Variants in POLQ observed in about 807,000 individuals in gnomAD.
POLQ encodes the protein DNA polymerase theta, also known as epididymis secretory sperm binding protein.
In POLQ, 233 loss-of-function variants were observed where a neutral mutation model predicts 259.2. The observed-to-expected ratio is 0.90, with a 90% CI of 0.81 to 1.00. The LOEUF is 1.00. Ranked by LOEUF, POLQ falls within the 50% of genes least tolerant of loss-of-function variation. The pLI, the probability that POLQ is intolerant of heterozygous loss-of-function variation, is 0.00. For missense variants in POLQ, 2,871 were observed against 3,051.6 expected, an observed-to-expected ratio of 0.94 and a Z score of 1.39; for synonymous variants, 1,025 against 1,048.8, an observed-to-expected ratio of 0.98 and a Z score of 0.44.
chr3:121,471,609 G>A (rs2047884089), intron 22 of POLQ, among the ~76,000 whole-genome samples: 1 of 152,080 alleles, frequency 6.6e-6, no homozygotes, highest in Admixed American at 6.5e-5. Flanking sequence ...AGATGTGGTG[G>A]TATGCGCCTG....
At chr3:121,469,931 G>A (rs1177941828) in intron 22 of POLQ, among the ~76,000 whole-genome samples, 4 of 151,966 alleles carry the variant, frequency 2.6e-5, no homozygotes, top group Admixed American at 2.0e-4. Flanking sequence ...TGTTCTTTAC[G>A]AACAAATAAC....
chr3:121,445,274 A>G (rs1365490911), intron 26 of POLQ, among the ~76,000 whole-genome samples: 1 of 152,080 alleles, frequency 6.6e-6, no homozygotes, highest in African/African-American at 2.4e-5. Flanking sequence ...TATGGCTTCG[A>G]TCTCATTATT....
Position 121,488,112 on chromosome 3 carries a change from C to T in POLQ, c.4819G>A (p.Asp1607Asn). The T allele has an allele frequency of 6.2e-7, 1 of 1,613,698 alleles. No individual in the cohort carries two copies. Among genetic ancestry groups the T allele is most frequent in the South Asian group, 1.1e-5 (1 of 90,980 alleles). The stretch of plus-strand genomic sequence containing the variant: ...GCCCTTTCATCTTGATCTCCTCCAT[C>T]TTGATCACCTTGGTGGTGCTCATCA... ...VLDEHHQGDQ[D>N]GGDQDERAEK... The change falls in exon 16 of 30, where the codon GAT becomes AAT. Residue 1607 changes from aspartate (D) to asparagine (N), a missense_variant. Physicochemically the swap from Asp to Asn is conservative, Grantham distance 23. Transcript: ENST00000264233.
intron 12 of POLQ, among the ~76,000 whole-genome samples, chr3:121,501,544 A>G (rs1302091374): frequency 6.7e-6 from 1 of 148,846 alleles, no homozygotes; most frequent in African/African-American, 2.5e-5. Flanking sequence ...CTGTAGTCCC[A>G]GCTACTTGGG....
chr3:121,450,715 C>G (rs768533581), intron 25 of POLQ, among the ~76,000 whole-genome samples: 124 of 152,210 alleles, frequency 8.1e-4, no homozygotes, highest in Non-Finnish European at 9.1e-4. Flanking sequence ...TCTGGCTGCC[C>G]TTAACATTTT....
chr3:121,451,824 G>A (rs1166246285), intron 25 of POLQ, among the ~76,000 whole-genome samples: 1 of 152,190 alleles, frequency 6.6e-6, no homozygotes, highest in African/African-American at 2.4e-5. Context: ...CTGTCCGATG[G>A]GACATTTAAG....
chr3:121,479,349 CAAA>C (rs969052572), intron 19 of POLQ, among the ~76,000 whole-genome samples: 2 of 88,908 alleles, frequency 2.2e-5, no homozygotes, highest in African/African-American at 7.9e-5. Flanking sequence ...CTCATCTCTA[CAAA>C]AAAAAAAAAA....
At chr3:121,439,814 C>G (rs886281096) in intron 27 of POLQ, among the ~76,000 whole-genome samples, 178 bp downstream of exon 27, 3 of 152,226 alleles carry the variant, frequency 2.0e-5, no homozygotes, top group Non-Finnish European at 4.4e-5. Context: ...TCAGCAAATA[C>G]TGGCATGTGC....
intron 5 of POLQ, among the ~76,000 whole-genome samples, chr3:121,535,091 T>A (rs2108819267): frequency 6.6e-6 from 1 of 152,316 alleles, no homozygotes; most frequent in African/African-American, 2.4e-5. Context: ...ATTTTCTATA[T>A]CCCTAGTGAT....
At chr3:121,545,170 G>C (rs1006388048) in intron 1 of POLQ, among the ~76,000 whole-genome samples, 1 of 152,136 alleles carries the variant, frequency 6.6e-6, no homozygotes, top group Non-Finnish European at 1.5e-5. Context: ...TTGGAATTAC[G>C]GGTGTAGTTG....
chr3:121,463,238 T>G (rs761915039), intron 24 of POLQ, among the ~76,000 whole-genome samples: 10 of 152,136 alleles, frequency 6.6e-5, no homozygotes, highest in Non-Finnish European at 1.3e-4. Context: ...TCTCACGAGA[T>G]CTGATGGTTT....
In POLQ at chr3:121,512,063, A is replaced by T. The variant is rs370616629; in HGVS notation, c.1469-34T>A. ...AAAAGATACACATTTGCAAAATCCC[A>T]ATATAGTTCCATAAGATATCTGCTA... is the stretch of plus-strand genomic sequence containing the variant. On this transcript the variant is annotated intron_variant, in intron 9 of 29. Coordinates refer to ENST00000264233, the MANE Select transcript of POLQ (RefSeq NM_199420.4). 5.3e-5 allele frequency: 84 copies of T among 1,580,448 alleles called. No homozygotes were observed. In the African/African-American group the frequency reaches 1.0e-3, roughly 19 times the overall value.
rs916587927 is a variant in POLQ, at chr3:121,493,638, C to T, written c.2362G>A (p.Gly788Ser). 7 of 1,613,950 alleles carry T rather than the reference C, an allele frequency of 4.3e-6. No individual in the cohort carries two copies. Among genetic ancestry groups the T allele is most frequent in the Non-Finnish European group, 5.1e-6 (6 of 1,180,000 alleles). The change falls in exon 15 of 30, where the codon GGC (glycine) becomes AGC (serine). Residue 788 changes from glycine (G) to serine (S), a missense_variant. By Grantham distance (56) the Gly-to-Ser change is moderately conservative. Transcript: ENST00000264233. Reference protein sequence around the residue: ...LSQFQKRLTFGIQRELCDLVR... With the variant: ...LSQFQKRLTFSIQRELCDLVR... ...AGGTCACACAGCTCCCTCTGGATGC[C>T]AAACGTAAGACGCTTCTGAAATTGG... is the stretch of plus-strand genomic sequence containing the variant.
At chr3:121,432,478 C>T in intron 29 of POLQ, 61 bp from the exon 30 acceptor site, 1 of 1,557,358 alleles carries the variant, frequency 6.4e-7, no homozygotes. Flanking sequence ...CCCAAACCAT[C>T]CCCTGAGAAA....
chr3:121,496,947 TC>T lies in POLQ; in HGVS notation c.2154-16del. 6.2e-7 allele frequency: 1 copy of T among 1,611,126 alleles called. No individual in the cohort carries two copies. ...TGGTGAAAAACCTGGGAATAAATCA[TC>T]AAAAGCGTGGTAAGAGATCCTTCAC... On this transcript the variant is annotated splice_polypyrimidine_tract_variant and intron_variant, in intron 13 of 29. Coordinates refer to ENST00000264233, the MANE Select transcript of POLQ (RefSeq NM_199420.4).
At chr3:121,480,703 TCAACTAACATAATAAG>T (rs1297063915) in intron 19 of POLQ, among the ~76,000 whole-genome samples, 1 of 152,152 alleles carries the variant, frequency 6.6e-6, no homozygotes, top group Non-Finnish European at 1.5e-5. Flanking sequence ...ATTATAATAA[TCAACTAACATAATAAG>T]CACCTGCTCT....
At chr3:121,511,269 G>T (rs1032304961) in intron 10 of POLQ, among the ~76,000 whole-genome samples, 19 of 149,388 alleles carry the variant, frequency 1.3e-4, no homozygotes, top group African/African-American at 4.7e-4. Context: ...GTGGTGGCAG[G>T]CACCTGTAGT....
intron 15 of POLQ, among the ~76,000 whole-genome samples, chr3:121,491,079 G>A (rs750902109): frequency 3.3e-5 from 5 of 151,944 alleles, no homozygotes; most frequent in Non-Finnish European, 5.9e-5. Flanking sequence ...AAGGCTGTGC[G>A]CAGTGGCTCA....
At position 121,525,266 on chromosome 3, in the gene POLQ, G is replaced by A. The variant is rs1337704559; in HGVS notation, c.1109-3117C>T. Among the ~76,000 whole-genome samples, 6 of 152,082 alleles carry A rather than the reference G, an allele frequency of 3.9e-5. No homozygotes were observed. In the South Asian group the frequency reaches 1.0e-3, roughly 26 times the overall value. On this transcript the variant is annotated intron_variant, in intron 7 of 29. Coordinates refer to ENST00000264233, the MANE Select transcript of POLQ (RefSeq NM_199420.4). ...TGAGGCAGGAGAATGGCGTGAACCT[G>A]GGAGGCGGAGCTTGCAGTGGGCCAA...
Sources: gnomAD v4.1 joint callset for allele counts (sites outside exome capture counted in the v4.1 genomes callset) on GRCh38, gnomAD v4.1.1 for gene constraint, MANE v1.5 for transcripts, NCBI Gene and HGNC (gene_info 2026-07-23, HGNC 2026-07-21) for gene names.